Variants in POP1 observed in about 807,000 individuals in gnomAD.
The protein encoded by POP1 is ribonucleases P/MRP protein subunit POP1.
POP1 carries 75 observed loss-of-function variants against 102.2 expected under a neutral mutation model. The observed-to-expected ratio is 0.73, with a 90% CI of 0.61 to 0.89. The LOEUF is 0.89. Ranked by LOEUF, POP1 falls within the 40% of genes least tolerant of loss-of-function variation. POP1 has a pLI of 0.00. For missense variants in POP1, 1,116 were observed against 1,267.4 expected (o/e 0.88, Z 1.81); for synonymous variants, 436 against 464.1 (o/e 0.94, Z 0.78).
intron 5 of POP1, among the ~76,000 whole-genome samples, chr8:98,132,005 G>C (rs1358977497): frequency 6.6e-6 from 1 of 152,142 alleles, no homozygotes; most frequent in East Asian, 1.9e-4. Flanking sequence ...CCCCTGGCTT[G>C]TGCTTTTTCC....
At chr8:98,133,732 A>C (rs981229365) in intron 5 of POP1, among the ~76,000 whole-genome samples, 2 of 152,214 alleles carry the variant, frequency 1.3e-5, no homozygotes, top group Non-Finnish European at 2.9e-5. Flanking sequence ...TGGTTTAAAA[A>C]TATTTGTTAA....
intron 4 of POP1, among the ~76,000 whole-genome samples, chr8:98,129,040 C>CTA (rs1816299692): frequency 6.6e-6 from 1 of 152,004 alleles, no homozygotes; most frequent in African/African-American, 2.4e-5. Context: ...AGGCAATTGG[C>CTA]TATTATGGGT....
At chr8:98,133,593 T>C (rs1296223709) in intron 5 of POP1, among the ~76,000 whole-genome samples, 1 of 152,210 alleles carries the variant, frequency 6.6e-6, no homozygotes, top group Non-Finnish European at 1.5e-5. Context: ...GGTTCTCTAC[T>C]TAGAGGCAAC....
chr8:98,148,699 T>C (rs1340305232), intron 12 of POP1, 116 bp from the exon 13 acceptor site: 4 of 891,774 alleles, frequency 4.5e-6, no homozygotes, highest in Non-Finnish European at 7.2e-6. Flanking sequence ...TTAGAACGTT[T>C]TTCTCTTGCT....
Position 98,158,240 on chromosome 8 carries a change from A to T in POP1, c.3044A>T (p.Tyr1015Phe). 6.2e-7 allele frequency: 1 copy of T among 1,611,632 alleles called. No homozygotes were observed. Among genetic ancestry groups the T allele is most frequent in the Middle Eastern group, 1.7e-4 (1 of 6,054 alleles). Residue 1015 changes from tyrosine to phenylalanine, a missense_variant, in exon 16 of 16, where the codon TAT becomes TTT. By Grantham distance (22) the Tyr-to-Phe change is conservative. Coordinates refer to ENST00000401707, the MANE Select transcript of POP1 (RefSeq NM_001145860.2). Reference sequence around the variant, plus strand: ...CTGAGGCCTCCCGCCTCTCTGCAGTATCGATTTGCGAGGATTGCTATTGAG... The same window carrying T: ...CTGAGGCCTCCCGCCTCTCTGCAGTTTCGATTTGCGAGGATTGCTATTGAG... The part of the protein sequence containing the change: ...VLLRPPASLQ[Y>F]RFARIAIEV
intron 10 of POP1, 104 bp from the exon 11 acceptor site, chr8:98,140,665 C>A: frequency 8.1e-7 from 1 of 1,228,044 alleles, no homozygotes. Context: ...GTAATTAGTC[C>A]AAGAAAAACG....
chr8:98,124,795 G>C (rs566059826), intron 2 of POP1, among the ~76,000 whole-genome samples: 85 of 152,250 alleles, frequency 5.6e-4, no homozygotes, highest in Non-Finnish European at 9.4e-4. Flanking sequence ...GTGCAGTATA[G>C]TCATCATATC....
rs2130640640 is a variant in POP1 at position 98,158,490 on chromosome 8, A to G, written c.*219A>G. The G allele has an allele frequency of 3.5e-6, 2 of 573,628 alleles. No individual in the cohort carries two copies. Among genetic ancestry groups the G allele is most frequent in the East Asian group, 3.2e-5 (1 of 30,862 alleles). The allele number at this position is 573,628 out of a possible 1,614,324, so 35.5% of individuals were successfully genotyped here. On this transcript the variant is annotated 3_prime_UTR_variant, in exon 16 of 16. Transcript: ENST00000401707. Reference sequence around the variant, plus strand: ...GTCCTTGCTGTAATACTTTTAAATTATTTGGCCAAAAGCTTTGTATTATGA... The same window carrying G: ...GTCCTTGCTGTAATACTTTTAAATTGTTTGGCCAAAAGCTTTGTATTATGA...
At chr8:98,153,064 G>A (rs1004136059) in intron 14 of POP1, among the ~76,000 whole-genome samples, 1 of 152,116 alleles carries the variant, frequency 6.6e-6, no homozygotes, top group African/African-American at 2.4e-5. Flanking sequence ...CCAACTCGTG[G>A]GCTCAAGCAA....
chr8:98,129,923 A>C (rs1816328027), intron 4 of POP1, 55 bp from the exon 5 acceptor site: 1 of 1,591,034 alleles, frequency 6.3e-7, no homozygotes, highest in Admixed American at 1.7e-5. Context: ...CTGACCGTTA[A>C]CTCTGTTTTG....
chr8:98,124,580 T>C (rs1468700354), intron 2 of POP1, among the ~76,000 whole-genome samples: 1 of 151,688 alleles, frequency 6.6e-6, no homozygotes, highest in Non-Finnish European at 1.5e-5. Flanking sequence ...AAAAAAAAGA[T>C]TATAATCTAT....
At chr8:98,135,893 A>T (rs1816522779) in intron 7 of POP1, among the ~76,000 whole-genome samples, 1 of 151,772 alleles carries the variant, frequency 6.6e-6, no homozygotes, top group South Asian at 2.1e-4. Context: ...TGTAGGAACA[A>T]GGTCTCCCTA....
At position 98,148,989 on chromosome 8, in the gene POP1, G is replaced by A. The variant is rs747119949; in HGVS notation, c.1885G>A (p.Ala629Thr). Residue 629 changes from alanine to threonine, a missense_variant, in exon 13 of 16, where the codon GCT becomes ACT. Physicochemically the swap from Ala to Thr is moderately conservative, Grantham distance 58. Coordinates refer to ENST00000401707, the MANE Select transcript of POP1 (RefSeq NM_001145860.2). ...CCTACTCCCAAAGGGCTGGGGCATG[G>A]CTTTCTGGATTCCATTTGTAAGTTA... The part of the protein sequence containing the change: ...DVLLPKGWGM[A>T]FWIPFIYRGV... 1 of 1,613,092 alleles carries A rather than the reference G, an allele frequency of 6.2e-7. No individual in the cohort carries two copies. Among genetic ancestry groups the A allele is most frequent in the Non-Finnish European group, 8.5e-7 (1 of 1,179,442 alleles).
intron 6 of POP1, among the ~76,000 whole-genome samples, chr8:98,134,270 G>A (rs968718925): frequency 6.6e-6 from 1 of 152,220 alleles, no homozygotes; most frequent in African/African-American, 2.4e-5. Flanking sequence ...GAACTTGACA[G>A]AAAGAAACTT....
At chr8:98,135,168 C>T (rs769260675) in intron 7 of POP1, among the ~76,000 whole-genome samples, 2 of 152,008 alleles carry the variant, frequency 1.3e-5, no homozygotes, top group Non-Finnish European at 2.9e-5. Context: ...GTCTCAGCTA[C>T]TTGGGAGGCT....
chr8:98,157,522 A>G (rs1809681435), intron 15 of POP1, 95 bp from the exon 16 acceptor site: 1 of 1,416,744 alleles, frequency 7.1e-7, no homozygotes, highest in African/African-American at 1.4e-5. Flanking sequence ...ATAGTATAAA[A>G]GAATCAAATT....
rs1801468633 is a variant in POP1 at position 98,128,355 on chromosome 8, C to G, written c.311-10C>G. Reference sequence around the variant, plus strand: ...TTGGTGTTTAATGACTTTGTCATCTCCTTCAACAGCTTCTACTTTTGCTCA... The same window carrying G: ...TTGGTGTTTAATGACTTTGTCATCTGCTTCAACAGCTTCTACTTTTGCTCA... On this transcript the variant is annotated splice_polypyrimidine_tract_variant and intron_variant, in intron 3 of 15. Transcript: ENST00000401707. 1 of 1,613,460 alleles carries G rather than the reference C, an allele frequency of 6.2e-7. No homozygotes were observed. Among genetic ancestry groups the G allele is most frequent in the Admixed American group, 1.7e-5 (1 of 59,998 alleles).
chr8:98,154,139 G>A (rs1279389418), intron 14 of POP1, among the ~76,000 whole-genome samples: 1 of 152,196 alleles, frequency 6.6e-6, no homozygotes, highest in Non-Finnish European at 1.5e-5. Context: ...GGAATTGAGA[G>A]GAGAAACATG....
intron 14 of POP1, among the ~76,000 whole-genome samples, chr8:98,152,399 G>T (rs906353940): frequency 6.6e-6 from 1 of 151,950 alleles, no homozygotes; most frequent in Admixed American, 6.6e-5. Context: ...AACTTTTTTG[G>T]TAGAGGGCCA....
Sources: allele counts gnomAD v4.1 joint callset (sites outside exome capture counted in the v4.1 genomes callset), GRCh38; gene constraint gnomAD v4.1.1; transcripts MANE v1.5; gene names NCBI Gene and HGNC (gene_info 2026-07-23, HGNC 2026-07-21).